The following TRAK2 variants were observed in gnomAD, a reference collection of about 807,000 sequenced individuals.
TRAK2 encodes trafficking kinesin protein 2, also known as trafficking kinesin-binding protein 2.
In TRAK2, 81 loss-of-function variants were observed where a neutral mutation model predicts 104.6. The observed-to-expected ratio is 0.77, with a 90% confidence interval of 0.65 to 0.93. TRAK2 has a LOEUF of 0.93. Ranked by LOEUF, TRAK2 falls within the 40% of genes least tolerant of loss-of-function variation. The pLI, the probability that TRAK2 is intolerant of heterozygous loss-of-function variation, is 0.00. For synonymous variants in TRAK2, 406 were observed against 394.4 expected (o/e 1.03, Z -0.35); for missense variants, 1,002 against 1,089.0 (o/e 0.92, Z 1.12).
intron 6 of TRAK2, chr2:201,397,939 A>G (rs1951516614): frequency 3.5e-6 from 2 of 577,630 alleles, no homozygotes; most frequent in Non-Finnish European, 3.1e-6. Context: ...GACTTTCACT[A>G]TTGTACTGTC....
At chr2:201,427,151 G>C (rs980025637) in intron 1 of TRAK2, among the ~76,000 whole-genome samples, 1 of 152,018 alleles carries the variant, frequency 6.6e-6, no homozygotes, top group Non-Finnish European at 1.5e-5. Context: ...TAGCTTTCAG[G>C]CCTGATAAAA....
intron 2 of TRAK2, chr2:201,412,629 T>C: frequency 1.9e-6 from 3 of 1,562,874 alleles, no homozygotes; most frequent in Non-Finnish European, 2.6e-6. Flanking sequence ...ATTCAGGATT[T>C]GGAAGACACA....
In TRAK2 at chr2:201,387,910, A is replaced by G; in HGVS notation, c.1489T>C (p.Leu497=). The G allele has an allele frequency of 1.2e-6, 2 of 1,614,078 alleles. No homozygotes were observed. The highest frequency in any genetic ancestry group is 1.7e-6 in the Non-Finnish European group (2 of 1,179,998). Reference sequence around the variant, plus strand: ...TCAGCAAAGAACTGCTTCTCACTTAAATAGTTTTGTCGACGCAAGCTAAGG... The same window carrying G: ...TCAGCAAAGAACTGCTTCTCACTTAGATAGTTTTGTCGACGCAAGCTAAGG... ...HRLSLRRQNY[L]SEKQFFAEEW... Residue 497 remains leucine, a synonymous_variant, in exon 13 of 16, where the codon TTA becomes CTA. Coordinates refer to ENST00000332624, the MANE Select transcript of TRAK2 (RefSeq NM_015049.3).
At chr2:201,414,871 A>G (rs1320197033) in intron 2 of TRAK2, among the ~76,000 whole-genome samples, 2 of 151,194 alleles carry the variant, frequency 1.3e-5, no homozygotes, top group Non-Finnish European at 2.9e-5. Context: ...AGTGACATTC[A>G]TTACAAGAGA....
At chr2:201,390,206 A>G (rs1454873888) in intron 10 of TRAK2, among the ~76,000 whole-genome samples, 1 of 151,924 alleles carries the variant, frequency 6.6e-6, no homozygotes. Context: ...GGTATTTAAC[A>G]ATTTTTTTTT....
At chr2:201,437,231 T>C (rs1299847541) in intron 1 of TRAK2, among the ~76,000 whole-genome samples, 1 of 152,162 alleles carries the variant, frequency 6.6e-6, no homozygotes, top group East Asian at 1.9e-4. Flanking sequence ...TTGAAGGCTA[T>C]AATAAATAGG....
At chr2:201,429,872 G>A (rs923669367) in intron 1 of TRAK2, among the ~76,000 whole-genome samples, 2 of 152,188 alleles carry the variant, frequency 1.3e-5, no homozygotes, top group African/African-American at 2.4e-5. Context: ...TCTCCGTCCA[G>A]CTTTGTTCTG....
intron 1 of TRAK2, among the ~76,000 whole-genome samples, chr2:201,442,402 A>G (rs1232112773): frequency 4.0e-5 from 6 of 148,572 alleles, no homozygotes; most frequent in African/African-American, 1.5e-4. Context: ...AAAAAAAAAG[A>G]AAAGGGCAGA....
At chr2:201,408,031 C>T (rs996740408) in intron 2 of TRAK2, among the ~76,000 whole-genome samples, 1 of 152,070 alleles carries the variant, frequency 6.6e-6, no homozygotes, top group African/African-American at 2.4e-5. Context: ...TGAAAATATA[C>T]AACAAATTAT....
chr2:201,380,270 T>C lies in TRAK2; in HGVS notation c.*273A>G, dbSNP rs1951326448. 6.4e-6 allele frequency: 3 copies of C among 465,746 alleles called. No homozygotes were observed. Among genetic ancestry groups the C allele is most frequent in the African/African-American group, 3.9e-5 (2 of 51,624 alleles). The allele number at this position is 465,746 out of a possible 1,614,324, so 28.9% of individuals were successfully genotyped here. A position where few individuals can be genotyped will look rare whatever the true frequency, so the allele number is the denominator to read the frequency against. ...TGAATTTATTTGTATTCACTTTTTATGTTCAAGACAAGAAAACTCAACTGA... is the reference window on the plus strand; with the variant it reads ...TGAATTTATTTGTATTCACTTTTTACGTTCAAGACAAGAAAACTCAACTGA... On this transcript the variant is annotated 3_prime_UTR_variant, in exon 16 of 16. Transcript: ENST00000332624.
intron 12 of TRAK2, 178 bp from the exon 13 acceptor site, chr2:201,388,179 A>T: frequency 1.5e-6 from 1 of 670,714 alleles, no homozygotes; most frequent in South Asian, 1.6e-5. Context: ...ACTATATATC[A>T]TTTTTACAGA....
Position 201,380,572 on chromosome 2 carries a change from G to A in TRAK2, c.2716C>T (p.Pro906Ser), listed in dbSNP as rs779438842. 3.1e-6 allele frequency: 5 copies of A among 1,613,896 alleles called. No homozygotes were observed. In the South Asian group the frequency reaches 3.3e-5, roughly 11 times the overall value. ...SFAAPVCTSS[P>S]KMGVLKED is the part of the protein sequence containing the mutation. ...TCCTCCTTCAGGACACCCATTTTGG[G>A]TGAGGATGTGCAAACTGGGGCAGCA... The change falls in exon 16 of 16, where the codon CCC becomes TCC. Residue 906 changes from proline to serine, a missense_variant. Coordinates refer to ENST00000332624, the MANE Select transcript of TRAK2 (RefSeq NM_015049.3).
intron 1 of TRAK2, among the ~76,000 whole-genome samples, chr2:201,443,035 C>A (rs1308029085): frequency 6.6e-6 from 1 of 152,124 alleles, no homozygotes; most frequent in East Asian, 1.9e-4. Context: ...TCAGTTTCAC[C>A]TTCTTCTTTG....
chr2:201,387,489 G>A (rs1951401838), intron 13 of TRAK2, among the ~76,000 whole-genome samples: 1 of 152,164 alleles, frequency 6.6e-6, no homozygotes, highest in Non-Finnish European at 1.5e-5. Flanking sequence ...AACATCAGAA[G>A]AGAACTGCTG....
At position 201,412,422 on chromosome 2, in the gene TRAK2, A is replaced by G. The variant is rs548148014; in HGVS notation, c.92-4825T>C. ...GCCTTACATGTTCACGAACTTCCTC[A>G]GGTATATTTATAAGTGAACTAGATC... is the stretch of plus-strand genomic sequence containing the variant. On this transcript the variant is annotated intron_variant, in intron 2 of 15. Coordinates refer to ENST00000332624, the MANE Select transcript of TRAK2 (RefSeq NM_015049.3). The G allele has an allele frequency of 8.6e-6, 11 of 1,284,832 alleles. No individual in the cohort carries two copies. The East Asian group carries it at 2.1e-4, about 24-fold the overall frequency. 79.6% of individuals were successfully genotyped at this position (1,284,832 alleles called of 1,614,324 possible).
rs918330997 is a variant in TRAK2 at position 201,412,832 on chromosome 2, C to T, written c.92-5235G>A. The T allele has an allele frequency of 1.6e-5, 14 of 895,880 alleles. No homozygotes were observed. The African/African-American group carries it at 2.1e-4, about 14-fold the overall frequency. 55.5% of individuals were successfully genotyped at this position (895,880 alleles called of 1,614,324 possible). A position where few individuals can be genotyped will look rare whatever the true frequency, so the allele number is the denominator to read the frequency against. The stretch of plus-strand genomic sequence containing the variant: ...TGCAAGAATGACAATCCTTTAGAAA[C>T]CTGAAGCAAACCACATTTGGTTTCT... On this transcript the variant is annotated intron_variant, in intron 2 of 15. Transcript: ENST00000332624.
At chr2:201,438,869 C>T (rs1951898835) in intron 1 of TRAK2, among the ~76,000 whole-genome samples, 1 of 152,122 alleles carries the variant, frequency 6.6e-6, no homozygotes, top group Non-Finnish European at 1.5e-5. Context: ...GTACATCACA[C>T]AATTCTTAAT....
rs1015358364 is a variant in TRAK2 at position 201,447,195 on chromosome 2, T to C, written c.-200+4155A>G. Reference sequence around the variant, plus strand: ...CACCTCCATCCCATCTTCCTTAGGATAAAGTTTAAGCCCCTTGGCATCTCA... The same window carrying C: ...CACCTCCATCCCATCTTCCTTAGGACAAAGTTTAAGCCCCTTGGCATCTCA... On this transcript the variant is annotated intron_variant, in intron 1 of 15. Coordinates refer to ENST00000332624, the MANE Select transcript of TRAK2 (RefSeq NM_015049.3). The surrounding 1 kb of genome is among the most constrained non-coding windows in gnomAD (Gnocchi z 4.1). Among the ~76,000 whole-genome samples, 1 of 152,230 alleles carries C rather than the reference T, an allele frequency of 6.6e-6. No individual in the cohort carries two copies. Among genetic ancestry groups the C allele is most frequent in the East Asian group, 1.9e-4 (1 of 5,208 alleles).
intron 1 of TRAK2, among the ~76,000 whole-genome samples, chr2:201,448,737 C>T (rs1951985276): frequency 6.6e-6 from 1 of 152,130 alleles, no homozygotes. Context: ...CACTTCTCTG[C>T]TCGTATTTTA....
Sources: gnomAD v4.1 joint callset for allele counts (sites outside exome capture counted in the v4.1 genomes callset) on GRCh38, gnomAD v4.1.1 for gene constraint, Gnocchi (gnomAD v3.1) non-coding constraint, MANE v1.5 for transcripts, NCBI Gene and HGNC (gene_info 2026-07-23, HGNC 2026-07-21) for gene names.